Variants in TBC1D4 observed in about 807,000 individuals in gnomAD.
TBC1D4 encodes the protein TBC (Tre-2, BUB2, CDC16) domain-containing protein.
TBC1D4 carries 121 observed loss-of-function variants against 142.5 expected under a neutral mutation model. That is an observed-to-expected ratio of 0.85 (90% CI 0.73 to 0.99). The LOEUF (loss-of-function observed/expected upper bound fraction) is 0.99. Among genes scored for constraint, TBC1D4 ranks in the 50% least tolerant of loss-of-function variants. The pLI, the probability that TBC1D4 is intolerant of heterozygous loss-of-function variation, is 0.00. For missense variants in TBC1D4, 1,475 were observed against 1,606.6 expected (o/e 0.92, Z 1.40); for synonymous variants, 630 against 628.2 (o/e 1.00, Z -0.04).
In TBC1D4 at chr13:75,346,742, C is replaced by T. The variant is rs549904506; in HGVS notation, c.1408+2428G>A. On this transcript the variant is annotated intron_variant, in intron 5 of 20. Transcript: ENST00000377636. ...TGCCAGACTGCCTTCCTGAAAGTGA[C>T]GGAGTGTAGATCAAAGTTTTTGAAA... is the stretch of plus-strand genomic sequence containing the variant. 5.3e-5 allele frequency among the ~76,000 whole-genome samples: 8 copies of T among 151,826 alleles called. No individual in the cohort carries two copies. The South Asian group carries it at 1.0e-3, about 20-fold the overall frequency.
chr13:75,430,449 C>T (rs1478480987), intron 1 of TBC1D4, among the ~76,000 whole-genome samples: 1 of 152,236 alleles, frequency 6.6e-6, no homozygotes, highest in Non-Finnish European at 1.5e-5. Context: ...GCACGTACTT[C>T]AAAATCTCTT....
At chr13:75,435,481 C>A (rs1566488450) in intron 1 of TBC1D4, among the ~76,000 whole-genome samples, 2 of 152,054 alleles carry the variant, frequency 1.3e-5, no homozygotes, top group African/African-American at 2.4e-5. Flanking sequence ...TTAATTTAAT[C>A]TTTACAAACT....
chr13:75,478,832 T>C (rs1315121352), intron 1 of TBC1D4, among the ~76,000 whole-genome samples: 2 of 152,220 alleles, frequency 1.3e-5, no homozygotes, highest in African/African-American at 4.8e-5. Flanking sequence ...AAACAGCACA[T>C]AGTGTCAATG....
At chr13:75,462,421 G>A (rs17257372) in intron 1 of TBC1D4, among the ~76,000 whole-genome samples, 13,367 of 152,048 alleles carry the variant, frequency 0.088, 759 homozygotes, top group Middle Eastern at 0.14. Flanking sequence ...TTGCTTTCTG[G>A]GGAAGTCAAG....
At chr13:75,413,455 C>G (rs963542343) in intron 1 of TBC1D4, among the ~76,000 whole-genome samples, 4 of 152,130 alleles carry the variant, frequency 2.6e-5, no homozygotes, top group Admixed American at 2.6e-4. Context: ...CCACCGCACC[C>G]GGCCAAATTT....
intron 1 of TBC1D4, among the ~76,000 whole-genome samples, chr13:75,363,152 T>C (rs1593794115): frequency 2.6e-5 from 4 of 152,294 alleles, no homozygotes; most frequent in East Asian, 3.9e-4. Context: ...TCTCATACAT[T>C]GTACACAGAC....
At chr13:75,481,189 G>T (rs1328027875) in intron 1 of TBC1D4, 81 bp downstream of exon 1, 2 of 1,457,400 alleles carry the variant, frequency 1.4e-6, no homozygotes, top group Non-Finnish European at 9.2e-7. Context: ...GGTCCTTAAA[G>T]TGGGGTCCCC....
In TBC1D4 at chr13:75,481,393, A is replaced by G. The variant is rs775149955; in HGVS notation, c.375T>C (p.His125=). ...AVFIFEHKAQ[H]ISRFIHNSHD... ...GGCTGTTGTGGATGAAGCGCGAGATATGCTGCGCCTTGTGCTCGAAGATGA... is the reference window on the plus strand; with the variant it reads ...GGCTGTTGTGGATGAAGCGCGAGATGTGCTGCGCCTTGTGCTCGAAGATGA... Residue 125 remains histidine, a synonymous_variant, in exon 1 of 21, where the codon CAT becomes CAC. Coordinates refer to ENST00000377636, the MANE Select transcript of TBC1D4 (RefSeq NM_014832.5). 1.2e-5 allele frequency: 19 copies of G among 1,613,744 alleles called. No individual in the cohort carries two copies. In the South Asian group the frequency reaches 1.3e-4, roughly 11 times the overall value.
At chr13:75,359,882 T>G (rs747025080) in intron 2 of TBC1D4, 24 bp from the exon 3 acceptor site, 15 of 1,568,072 alleles carry the variant, frequency 9.6e-6, no homozygotes, top group Non-Finnish European at 1.3e-5. Flanking sequence ...GCATTCCAAT[T>G]AATTTCAATT....
At chr13:75,408,274 G>T (rs1885437071) in intron 1 of TBC1D4, among the ~76,000 whole-genome samples, 1 of 152,170 alleles carries the variant, frequency 6.6e-6, no homozygotes, top group African/African-American at 2.4e-5. Flanking sequence ...GTTGTGGCAT[G>T]TATCAGTGCT....
At chr13:75,352,314 T>C (rs929841433) in intron 4 of TBC1D4, among the ~76,000 whole-genome samples, 1 of 152,186 alleles carries the variant, frequency 6.6e-6, no homozygotes, top group Non-Finnish European at 1.5e-5. Context: ...ATATTTCATT[T>C]CTAATGAAAT....
At chr13:75,305,430 G>A (rs1378460660) in intron 15 of TBC1D4, among the ~76,000 whole-genome samples, 1 of 152,220 alleles carries the variant, frequency 6.6e-6, no homozygotes, top group South Asian at 2.1e-4. Context: ...ACATCTCATA[G>A]ACATTCTGTT....
At chr13:75,448,437 C>T (rs953637309) in intron 1 of TBC1D4, among the ~76,000 whole-genome samples, 6 of 151,764 alleles carry the variant, frequency 4.0e-5, no homozygotes, top group Admixed American at 3.3e-4. Flanking sequence ...GACGTGGTGG[C>T]GCATCCTGTA....
intron 1 of TBC1D4, among the ~76,000 whole-genome samples, chr13:75,404,421 A>G (rs981118753): frequency 6.6e-6 from 1 of 152,172 alleles, no homozygotes; most frequent in African/African-American, 2.4e-5. Flanking sequence ...ACATTTAGTC[A>G]TATGTCTCCC....
At chr13:75,352,601 TAAGA>T (rs140551394) in intron 4 of TBC1D4, among the ~76,000 whole-genome samples, 1 of 151,836 alleles carries the variant, frequency 6.6e-6, no homozygotes, top group African/African-American at 2.4e-5. Flanking sequence ...ACAACTATTT[TAAGA>T]AAGAAAGAAA....
intron 8 of TBC1D4, among the ~76,000 whole-genome samples, 173 bp downstream of exon 8, chr13:75,336,748 C>CA (rs529086189): frequency 4.0e-5 from 6 of 150,868 alleles, no homozygotes; most frequent in Non-Finnish European, 7.4e-5. Flanking sequence ...CTCAAAAAAA[C>CA]AAAAAAACAA....
At chr13:75,287,553 C>T (rs114295437) in intron 20 of TBC1D4, among the ~76,000 whole-genome samples, 1 of 152,202 alleles carries the variant, frequency 6.6e-6, no homozygotes, top group Non-Finnish European at 1.5e-5. Context: ...CCCACCTTCC[C>T]TAATAAGGGG....
intron 18 of TBC1D4, among the ~76,000 whole-genome samples, chr13:75,293,541 A>G (rs1366706033): frequency 6.6e-6 from 1 of 152,210 alleles, no homozygotes; most frequent in African/African-American, 2.4e-5. Flanking sequence ...GGGAAGAAAA[A>G]TGTATATAAA....
intron 1 of TBC1D4, among the ~76,000 whole-genome samples, chr13:75,444,067 A>G (rs1276210312): frequency 6.6e-6 from 1 of 152,206 alleles, no homozygotes; most frequent in Admixed American, 6.5e-5. Flanking sequence ...TAAAGAACAT[A>G]CATTTAGTTG....
Sources: allele counts gnomAD v4.1 joint callset (sites outside exome capture counted in the v4.1 genomes callset), GRCh38; gene constraint gnomAD v4.1.1; transcripts MANE v1.5; gene names NCBI Gene and HGNC (gene_info 2026-07-23, HGNC 2026-07-21).